The following CDK5RAP2 variants were observed in gnomAD, a reference collection of about 807,000 sequenced individuals.
The protein encoded by CDK5RAP2 is CDK5 regulatory subunit associated protein 2, also known as CDK5 regulatory subunit-associated protein 2.
Under a neutral mutation model 232.9 loss-of-function variants are expected in CDK5RAP2, and 147 were observed. The observed-to-expected ratio is 0.63, with a 90% CI of 0.55 to 0.72. CDK5RAP2 has a LOEUF of 0.72. Among genes scored for constraint, CDK5RAP2 ranks in the 30% least tolerant of loss-of-function variants. CDK5RAP2 has a pLI of 0.00. For synonymous variants in CDK5RAP2, 833 were observed against 833.7 expected (o/e 1.00, Z 0.01); for missense variants, 2,195 against 2,231.5 (o/e 0.98, Z 0.33).
At chr9:120,424,234 G>A (rs1174994266) in intron 25 of CDK5RAP2, among the ~76,000 whole-genome samples, 1 of 152,230 alleles carries the variant, frequency 6.6e-6, no homozygotes, top group Non-Finnish European at 1.5e-5. Flanking sequence ...AAGCAAGACA[G>A]ATGGAGATAT....
chr9:120,547,186 C>T (rs1194850042), intron 4 of CDK5RAP2, among the ~76,000 whole-genome samples: 5 of 151,850 alleles, frequency 3.3e-5, no homozygotes, highest in South Asian at 2.1e-4. Context: ...GACGGGGTTT[C>T]GCCACGTTGG....
chr9:120,490,757 A>G (rs938609986), intron 13 of CDK5RAP2, among the ~76,000 whole-genome samples: 7 of 152,110 alleles, frequency 4.6e-5, no homozygotes, highest in Admixed American at 2.0e-4. Flanking sequence ...ACCTGCTTCT[A>G]TTCTCCTAGT....
chr9:120,462,065 G>A (rs1290617277), intron 18 of CDK5RAP2, among the ~76,000 whole-genome samples: 2 of 152,120 alleles, frequency 1.3e-5, no homozygotes, highest in Non-Finnish European at 2.9e-5. Context: ...ACAAAACAAA[G>A]GCAACTGAGT....
intron 12 of CDK5RAP2, among the ~76,000 whole-genome samples, chr9:120,509,420 G>A (rs2039976664): frequency 6.6e-6 from 1 of 152,156 alleles, no homozygotes; most frequent in Non-Finnish European, 1.5e-5. Context: ...AACCACGGTA[G>A]GCATTTTCTC....
chr9:120,499,161 T>A (rs2039456626), intron 12 of CDK5RAP2, among the ~76,000 whole-genome samples: 1 of 152,214 alleles, frequency 6.6e-6, no homozygotes, highest in African/African-American at 2.4e-5. Flanking sequence ...CTTTTTAATG[T>A]GAAAATGGTA....
intron 4 of CDK5RAP2, among the ~76,000 whole-genome samples, chr9:120,546,987 G>T (rs923541913): frequency 2.6e-5 from 4 of 151,172 alleles, no homozygotes; most frequent in South Asian, 2.1e-4. Context: ...TTGTTTTTTC[G>T]TTTTTTTTGT....
chr9:120,512,026 CCG>C (rs1238519329), intron 12 of CDK5RAP2, among the ~76,000 whole-genome samples: 2 of 152,126 alleles, frequency 1.3e-5, no homozygotes, highest in African/African-American at 2.4e-5. Context: ...GCGTGAGCCA[CCG>C]CGCCCGGCCA....
intron 18 of CDK5RAP2, 121 bp from the exon 19 acceptor site, chr9:120,460,788 A>C (rs1805510301): frequency 1.3e-6 from 2 of 1,504,314 alleles, no homozygotes; most frequent in South Asian, 2.5e-5. Context: ...AACAAAAAAG[A>C]GGAAGAAACA....
intron 12 of CDK5RAP2, among the ~76,000 whole-genome samples, chr9:120,500,882 C>G (rs1588498860): frequency 6.6e-6 from 1 of 152,242 alleles, no homozygotes; most frequent in East Asian, 1.9e-4. Context: ...GTCAATACAA[C>G]CAGGGCCAGA....
chr9:120,565,617 C>T (rs998800479), intron 3 of CDK5RAP2, among the ~76,000 whole-genome samples: 2 of 152,194 alleles, frequency 1.3e-5, no homozygotes, highest in East Asian at 3.8e-4. Flanking sequence ...GTTCAGGGAA[C>T]TTACAGCTCT....
chr9:120,414,394 C>T (rs2034077589), intron 28 of CDK5RAP2, among the ~76,000 whole-genome samples: 1 of 152,064 alleles, frequency 6.6e-6, no homozygotes, highest in East Asian at 1.9e-4. Context: ...CTCTCTAGAG[C>T]AATAAGGAAA....
intron 6 of CDK5RAP2, 61 bp downstream of exon 6, chr9:120,538,980 G>C: frequency 6.4e-7 from 1 of 1,568,460 alleles, no homozygotes; most frequent in Non-Finnish European, 8.8e-7. Context: ...AAACAAAACT[G>C]TGCCAGCCTA....
At chr9:120,452,375 C>T (rs2036525560) in intron 21 of CDK5RAP2, among the ~76,000 whole-genome samples, 1 of 152,074 alleles carries the variant, frequency 6.6e-6, no homozygotes, top group African/African-American at 2.4e-5. Context: ...ATCTAACTCT[C>T]TTTTGTATGC....
At chr9:120,541,989 T>C (rs1935982115) in intron 5 of CDK5RAP2, among the ~76,000 whole-genome samples, 1 of 152,208 alleles carries the variant, frequency 6.6e-6, no homozygotes, top group African/African-American at 2.4e-5. Context: ...ACTACCCTTT[T>C]TAATTCTCCA....
intron 11 of CDK5RAP2, among the ~76,000 whole-genome samples, chr9:120,522,286 C>T (rs1437382642): frequency 6.6e-6 from 1 of 152,064 alleles, no homozygotes; most frequent in Non-Finnish European, 1.5e-5. Flanking sequence ...TTTGGGACAA[C>T]TGGGTAAAGA....
intron 13 of CDK5RAP2, among the ~76,000 whole-genome samples, 185 bp from the exon 14 acceptor site, chr9:120,487,622 A>G (rs1431384014): frequency 6.6e-6 from 1 of 152,232 alleles, no homozygotes; most frequent in Non-Finnish European, 1.5e-5. Context: ...TTTCTATGCT[A>G]TTACAACTTG....
chr9:120,518,686 T>TGAGGTATGAAA, intron 11 of CDK5RAP2, 41 bp from the exon 12 acceptor site: 1 of 1,526,238 alleles, frequency 6.6e-7, no homozygotes, highest in Non-Finnish European at 9.1e-7. Flanking sequence ...CTAATTTTCA[T>TGAGGTATGAAA]ACCTCATGAA....
chr9:120,505,423 A>C (rs2039765872), intron 12 of CDK5RAP2, among the ~76,000 whole-genome samples: 1 of 152,174 alleles, frequency 6.6e-6, no homozygotes. Context: ...CCTATGCCCT[A>C]TGATACAACA....
At chr9:120,426,582 G>C (rs1365028279) in intron 25 of CDK5RAP2, among the ~76,000 whole-genome samples, 3 of 152,156 alleles carry the variant, frequency 2.0e-5, no homozygotes, top group Non-Finnish European at 4.4e-5. Flanking sequence ...AAGTCCCAGA[G>C]GTGGCCATCC....
Sources: gnomAD v4.1 joint callset for allele counts (sites outside exome capture counted in the v4.1 genomes callset) on GRCh38, gnomAD v4.1.1 for gene constraint, MANE v1.5 for transcripts, NCBI Gene and HGNC (gene_info 2026-07-23, HGNC 2026-07-21) for gene names.